The following FAM167A variants were observed in gnomAD, a reference collection of about 807,000 sequenced individuals.
FAM167A encodes protein FAM167A.
Under a neutral mutation model 14.9 loss-of-function variants are expected in FAM167A, and 23 were observed. That is an observed-to-expected ratio of 1.55 (90% CI 1.11 to 2.19). FAM167A has a LOEUF of 2.19. Among genes scored for constraint, FAM167A ranks in the 30% most tolerant of loss-of-function variants. The pLI, the probability that FAM167A is intolerant of heterozygous loss-of-function variation, is 0.00. For synonymous variants in FAM167A, 174 were observed against 117.7 expected, an observed-to-expected ratio of 1.48 and a Z score of -3.10; for missense variants, 401 against 281.5, an observed-to-expected ratio of 1.42 and a Z score of -3.04.
At chr8:11,442,349 C>T (rs945901759) in intron 2 of FAM167A, among the ~76,000 whole-genome samples, 2 of 152,098 alleles carry the variant, frequency 1.3e-5, no homozygotes, top group Admixed American at 1.3e-4. Context: ...GATTGGTCTT[C>T]GGTGTGGCGT....
At chr8:11,462,724 T>C (rs1585281545) in intron 1 of FAM167A, among the ~76,000 whole-genome samples, 1 of 152,068 alleles carries the variant, frequency 6.6e-6, no homozygotes, top group East Asian at 1.9e-4. Flanking sequence ...AGCTACAACC[T>C]AGATGTATTC....
At position 11,424,419 on chromosome 8, in the gene FAM167A, C is replaced by G. The variant is rs1375173290; in HGVS notation, c.599G>C (p.Gly200Ala). 1 of 1,613,834 alleles carries G rather than the reference C, an allele frequency of 6.2e-7. No homozygotes were observed. The highest frequency in any genetic ancestry group is 8.5e-7 in the Non-Finnish European group (1 of 1,179,990). Residue 200 changes from glycine (G) to alanine (A), a missense_variant, in exon 3 of 3, where the codon GGC becomes GCC. Coordinates refer to ENST00000284486, the MANE Select transcript of FAM167A (RefSeq NM_053279.3). ...FSLSTPLKLI[G>A]VTKMNINSRR... ...AGAGTTGATGTTCATCTTGGTCACGCCAATAAGCTTGAGTGGTGTGGAGAG... is the reference window on the plus strand; with the variant it reads ...AGAGTTGATGTTCATCTTGGTCACGGCAATAAGCTTGAGTGGTGTGGAGAG...
At chr8:11,432,722 G>C (rs1469989267) in intron 2 of FAM167A, among the ~76,000 whole-genome samples, 1 of 152,170 alleles carries the variant, frequency 6.6e-6, no homozygotes, top group Non-Finnish European at 1.5e-5. Context: ...GGCATATACT[G>C]AAAGGATTAT....
chr8:11,429,520 T>C (rs1215838111), intron 2 of FAM167A, among the ~76,000 whole-genome samples: 1 of 152,212 alleles, frequency 6.6e-6, no homozygotes, highest in African/African-American at 2.4e-5. Context: ...ACGTTTGACA[T>C]AGATTGTTTC....
upstream of FAM167A, among the ~76,000 whole-genome samples, chr8:11,467,896 G>C (rs561780846): frequency 7.9e-5 from 12 of 152,400 alleles, no homozygotes; most frequent in South Asian, 2.5e-3. Flanking sequence ...ATGCTAATGA[G>C]GGAACGGTCC....
intron 1 of FAM167A, among the ~76,000 whole-genome samples, chr8:11,473,205 C>T (rs554529559): frequency 2.0e-5 from 3 of 152,310 alleles, no homozygotes; most frequent in Admixed American, 6.5e-5. Context: ...GACACAGGGG[C>T]TCATTTCATC....
intron 2 of FAM167A, among the ~76,000 whole-genome samples, chr8:11,424,860 C>T (rs911705504): frequency 6.6e-6 from 1 of 152,216 alleles, no homozygotes; most frequent in South Asian, 2.1e-4. Flanking sequence ...GTTGCTGTAT[C>T]TAAGTCCTTC....
At chr8:11,436,857 C>T (rs1563367883) in intron 2 of FAM167A, among the ~76,000 whole-genome samples, 1 of 152,154 alleles carries the variant, frequency 6.6e-6, no homozygotes, top group African/African-American at 2.4e-5. Flanking sequence ...AGGAAGGTGT[C>T]AGTAGGCTGC....
upstream of FAM167A, among the ~76,000 whole-genome samples, chr8:11,467,856 A>G (rs908441069): frequency 2.0e-5 from 3 of 152,250 alleles, no homozygotes; most frequent in Non-Finnish European, 4.4e-5. Context: ...ACGTCGTCTA[A>G]GGAGACATCT....
At chr8:11,438,461 G>C (rs1296380453) in intron 2 of FAM167A, 3 of 457,204 alleles carry the variant, frequency 6.6e-6, no homozygotes, top group African/African-American at 6.0e-5. Flanking sequence ...AGAAGTACAA[G>C]GTGAAGAATG....
intron 1 of FAM167A, among the ~76,000 whole-genome samples, chr8:11,447,067 G>A (rs1029346410): frequency 6.6e-6 from 1 of 152,240 alleles, no homozygotes; most frequent in Non-Finnish European, 1.5e-5. Flanking sequence ...CACTGCAGAG[G>A]TGAGGGCATC....
chr8:11,464,775 T>C (rs1277800507), intron 1 of FAM167A, among the ~76,000 whole-genome samples: 1 of 152,134 alleles, frequency 6.6e-6, no homozygotes, highest in African/African-American at 2.4e-5. Context: ...GTGAGCAAGA[T>C]TTGCCTAGAG....
Position 11,473,254 on chromosome 8 carries a change from G to C in FAM167A, c.-398+2612C>G, listed in dbSNP as rs532607153. The stretch of plus-strand genomic sequence containing the variant: ...CCCTGATGATACCTTGAGAAACCAA[G>C]GTGCAGAGGACAGACTGATGAACAC... On this transcript the variant is annotated intron_variant, in intron 1 of 1. Coordinates refer to the FAM167A transcript ENST00000648766. 8.0e-4 allele frequency among the ~76,000 whole-genome samples: 122 copies of C among 152,304 alleles called. 1 individual carries two copies. The highest frequency in any genetic ancestry group is 2.9e-3 in the African/African-American group (119 of 41,562).
At chr8:11,470,454 G>C (rs1460975050), upstream of FAM167A, among the ~76,000 whole-genome samples, 1 of 152,230 alleles carries the variant, frequency 6.6e-6, no homozygotes, top group Non-Finnish European at 1.5e-5. Context: ...GATGACATCA[G>C]AGACAGGGCA....
intron 2 of FAM167A, chr8:11,438,563 C>T (rs751210660): frequency 2.2e-5 from 10 of 452,420 alleles, no homozygotes; most frequent in South Asian, 1.6e-4. Context: ...CTTGATTATA[C>T]ATGATATATT....
At chr8:11,464,610 C>T (rs906838082) in intron 1 of FAM167A, among the ~76,000 whole-genome samples, 1 of 152,240 alleles carries the variant, frequency 6.6e-6, no homozygotes, top group African/African-American at 2.4e-5. Context: ...GTTAGTGGCA[C>T]GTGCGTGCTC....
intron 2 of FAM167A, among the ~76,000 whole-genome samples, chr8:11,437,784 A>G (rs1266502593): frequency 2.0e-5 from 3 of 152,180 alleles, no homozygotes; most frequent in Admixed American, 6.5e-5. Flanking sequence ...AGAGGAATTG[A>G]GTTTATTATT....
At chr8:11,460,147 C>T (rs1456267817) in intron 1 of FAM167A, among the ~76,000 whole-genome samples, 2 of 152,234 alleles carry the variant, frequency 1.3e-5, no homozygotes, top group Non-Finnish European at 2.9e-5. Flanking sequence ...GGCATGAAAC[C>T]CACTACAGGG....
At position 11,424,514 on chromosome 8, in the gene FAM167A, G is replaced by A. The variant is rs901019403; in HGVS notation, c.504C>T (p.Thr168=). 1 of 1,614,106 alleles carries A rather than the reference G, an allele frequency of 6.2e-7. No individual in the cohort carries two copies. Among genetic ancestry groups the A allele is most frequent in the Non-Finnish European group, 8.5e-7 (1 of 1,180,048 alleles). ...GCTCATCCCGCTCCTCCAGCTCGTA[G>A]GTGGCATCGTTGAGCATCCTCCTGT... ...RLHRRMLNDA[T]YELEERDELA... The change falls in exon 3 of 3, where the codon ACC becomes ACT. Residue 168 remains threonine (T), a synonymous_variant. Transcript: ENST00000284486.
Sources: allele counts gnomAD v4.1 joint callset (sites outside exome capture counted in the v4.1 genomes callset), GRCh38; gene constraint gnomAD v4.1.1; transcripts MANE v1.5; gene names NCBI Gene and HGNC (gene_info 2026-07-23, HGNC 2026-07-21).